SLTM: variants seen among roughly 807,000 people sequenced by gnomAD.
SLTM encodes the protein SAFB-like transcription modulator.
In SLTM, 43 loss-of-function variants were observed where a neutral mutation model predicts 134.6. The observed-to-expected ratio is 0.32, with a 90% CI of 0.25 to 0.41. SLTM has a LOEUF of 0.41. Among genes scored for constraint, SLTM ranks in the 10% least tolerant of loss-of-function variants. SLTM has a pLI of 1.00. For missense variants in SLTM, 1,055 were observed against 1,288.8 expected, an observed-to-expected ratio of 0.82 and a Z score of 2.78; for synonymous variants, 424 against 432.3, an observed-to-expected ratio of 0.98 and a Z score of 0.24.
chr15:58,915,343 G>T (rs1234354895), intron 3 of SLTM, among the ~76,000 whole-genome samples: 1 of 152,146 alleles, frequency 6.6e-6, no homozygotes, highest in Non-Finnish European at 1.5e-5. Context: ...CTCAATAGAC[G>T]TATATATCTC....
At chr15:58,892,705 C>A (rs1567113929) in intron 14 of SLTM, among the ~76,000 whole-genome samples, 192 bp downstream of exon 14, 1 of 152,070 alleles carries the variant, frequency 6.6e-6, no homozygotes, top group Non-Finnish European at 1.5e-5. Flanking sequence ...GAGTTGGAGA[C>A]AACAGATGGA....
rs1448336573 is a variant in SLTM at position 58,893,170 on chromosome 15, T to C, written c.1734+109A>G. ...CAAATGACTAGTAACATTTCCTTTT[T>C]CTTGGGTTTGCTAGCATGCAAGTAC... On this transcript the variant is annotated intron_variant, in intron 13 of 20. Coordinates refer to ENST00000380516, the MANE Select transcript of SLTM (RefSeq NM_024755.4). The C allele has an allele frequency of 7.8e-6, 11 of 1,415,062 alleles. No individual in the cohort carries two copies. In the East Asian group the frequency reaches 1.6e-4, roughly 21 times the overall value. 87.7% of individuals were successfully genotyped at this position (1,415,062 alleles called of 1,614,324 possible).
At chr15:58,902,474 C>A (rs2035553404) in intron 5 of SLTM, among the ~76,000 whole-genome samples, 1 of 151,392 alleles carries the variant, frequency 6.6e-6, no homozygotes, top group Admixed American at 6.6e-5. Flanking sequence ...GCAGCCTCAA[C>A]CCCTGGGCTC....
chr15:58,933,359 C>G, intron 1 of SLTM, 45 bp downstream of exon 1: 1 of 1,533,662 alleles, frequency 6.5e-7, no homozygotes, highest in Non-Finnish European at 8.8e-7. Flanking sequence ...GAGGCGCGGC[C>G]TAAGTTCCCC....
intron 2 of SLTM, among the ~76,000 whole-genome samples, chr15:58,930,445 T>C (rs1260527721): frequency 6.6e-6 from 1 of 151,982 alleles, no homozygotes; most frequent in Non-Finnish European, 1.5e-5. Flanking sequence ...ATGTTACAAC[T>C]TCTAACTGAA....
Position 58,899,829 on chromosome 15 carries a change from G to C in SLTM, c.698C>G (p.Thr233Arg), listed in dbSNP as rs566288421. The change falls in exon 7 of 21, where the codon ACG becomes AGG. Residue 233 changes from threonine to arginine, a missense_variant. By Grantham distance (71) the Thr-to-Arg change is moderately conservative (BLOSUM62 -1). Around this residue, in one of 3 missense-constraint regions of SLTM, gnomAD observed 268 missense variants for 284.3 expected, o/e 0.94. Transcript: ENST00000380516. This position sits in a 1 kb window ranked among gnomAD's most constrained non-coding sequence, Gnocchi z 5.0. The part of the protein sequence containing the change: ...HTAHEEMEAH[T>R]TVKEAEDDNI... ...GTCATCCTCAGCTTCTTTCACAGTC[G>C]TATGAGCTTCCATCTCTTCATGAGC... is the stretch of plus-strand genomic sequence containing the variant. 6.2e-7 allele frequency: 1 copy of C among 1,614,058 alleles called. No individual in the cohort carries two copies. Among genetic ancestry groups the C allele is most frequent in the South Asian group, 1.1e-5 (1 of 91,070 alleles).
At position 58,933,656 on chromosome 15, in the gene SLTM, GC is replaced by G. The variant is rs1282193124; in HGVS notation, c.-92del. 4.4e-6 allele frequency: 6 copies of G among 1,362,870 alleles called. No individual in the cohort carries two copies. The highest frequency in any genetic ancestry group is 5.6e-6 in the Non-Finnish European group (6 of 1,063,126). The allele number at this position is 1,362,870 out of a possible 1,614,324, so 84.4% of individuals were successfully genotyped here. A position where few individuals can be genotyped will look rare whatever the true frequency, so the allele number is the denominator to read the frequency against. On this transcript the variant is annotated 5_prime_UTR_variant, in exon 1 of 21. Coordinates refer to ENST00000380516, the MANE Select transcript of SLTM (RefSeq NM_024755.4). ...TCCACCCAGGCCTCGGCGGCCGCCG[GC>G]GCCGCGCAGCGCTGCGCACAATGAG...
chr15:58,887,773 A>C (rs1396335388), intron 17 of SLTM, among the ~76,000 whole-genome samples: 1 of 152,202 alleles, frequency 6.6e-6, no homozygotes, highest in Non-Finnish European at 1.5e-5. Flanking sequence ...CCGAACACTC[A>C]AAAGTCACTA....
At position 58,912,568 on chromosome 15, in the gene SLTM, CT is replaced by C. The variant is rs1262786570; in HGVS notation, c.555del (p.Ala186ProfsTer13). On this transcript the variant is annotated frameshift_variant, in exon 5 of 21. Coordinates refer to ENST00000380516, the MANE Select transcript of SLTM (RefSeq NM_024755.4). LOFTEE classifies it high-confidence loss of function. ...AGGACTAAATGTAAACTTACTTGGG[CT>C]GTTAGAAAGGTATCATCTTCACCTT... Reference protein sequence around the residue: ...AQEGEDDTFLTAQDGEEEENE... With the variant: ...AQEGEDDTFLXAQDGEEEENE... The C allele has an allele frequency of 6.2e-7, 1 of 1,612,310 alleles. No individual in the cohort carries two copies. The highest frequency in any genetic ancestry group is 8.5e-7 in the Non-Finnish European group (1 of 1,179,044).
At chr15:58,925,210 G>C (rs1217654793) in intron 2 of SLTM, among the ~76,000 whole-genome samples, 1 of 152,094 alleles carries the variant, frequency 6.6e-6, no homozygotes, top group Non-Finnish European at 1.5e-5. Flanking sequence ...CACAGGCCAT[G>C]CCTTGTATTG....
At chr15:58,916,890 C>T in intron 3 of SLTM, 45 bp downstream of exon 3, 1 of 1,551,104 alleles carries the variant, frequency 6.4e-7, no homozygotes, top group Non-Finnish European at 8.9e-7. Flanking sequence ...ATGCAAAATA[C>T]TAGGCTTAAA....
Position 58,912,553 on chromosome 15 carries a change from G to GTAAACT in SLTM, c.561+4_561+9dup, listed in dbSNP as rs767413158. 4 of 1,611,560 alleles carry GTAAACT rather than the reference G, an allele frequency of 2.5e-6. No homozygotes were observed. Among genetic ancestry groups the GTAAACT allele is most frequent in the Non-Finnish European group, 3.4e-6 (4 of 1,178,152 alleles). ...CAATATCGAATTCATAGGACTAAAT[G>GTAAACT]TAAACTTACTTGGGCTGTTAGAAAG... On this transcript the variant is annotated intron_variant, in intron 5 of 20. Transcript: ENST00000380516.
intron 4 of SLTM, chr15:58,912,883 T>C: frequency 5.5e-6 from 2 of 365,776 alleles, no homozygotes; most frequent in Non-Finnish European, 1.0e-5. Context: ...CTAACAGCAC[T>C]GACTCCTTAA....
intron 6 of SLTM, chr15:58,900,693 C>T (rs191784682): frequency 1.3e-5 from 2 of 153,148 alleles, no homozygotes; most frequent in African/African-American, 4.8e-5. Context: ...AAGTAGGATC[C>T]TTTGACTTCT....
intron 2 of SLTM, among the ~76,000 whole-genome samples, chr15:58,924,415 A>C (rs988254715): frequency 6.6e-6 from 1 of 152,180 alleles, no homozygotes; most frequent in Non-Finnish European, 1.5e-5. Flanking sequence ...ACCCTCTGAG[A>C]TATGTTTCAG....
intron 2 of SLTM, chr15:58,921,526 T>G: frequency 2.3e-6 from 1 of 428,062 alleles, no homozygotes; most frequent in Non-Finnish European, 4.7e-6. Context: ...TGTCCCATAC[T>G]GTTTCCAACA....
At position 58,893,890 on chromosome 15, in the gene SLTM, T is replaced by G; in HGVS notation, c.1579A>C (p.Lys527Gln). Residue 527 changes from lysine to glutamine, a missense_variant, in exon 12 of 21, where the codon AAG becomes CAG. Physicochemically the swap from Lys to Gln is moderately conservative, Grantham distance 53. Around this residue, in one of 3 missense-constraint regions of SLTM, gnomAD observed 776 missense variants for 962.2 expected, o/e 0.81. Transcript: ENST00000380516. ...TGGCCACTTGCTCCATTATCATTCT[T>G]CTCATCTTTACCTTCTATTTTCTTA... ...DTKKIEGKDE[K>Q]NDNGASGQTS... 1 of 1,613,478 alleles carries G rather than the reference T, an allele frequency of 6.2e-7. No homozygotes were observed. Among genetic ancestry groups the G allele is most frequent in the East Asian group, 2.2e-5 (1 of 44,846 alleles).
chr15:58,916,478 A>T (rs1426885082), intron 3 of SLTM: 4 of 153,472 alleles, frequency 2.6e-5, no homozygotes, highest in Non-Finnish European at 4.3e-5. Context: ...CTGGCCCTTA[A>T]TTTGATCTTT....
Position 58,890,403 on chromosome 15 carries a change from C to T in SLTM, c.1957G>A (p.Glu653Lys). The change falls in exon 15 of 21, where the codon GAA (glutamate) becomes AAA (lysine). Residue 653 changes from glutamate (E) to lysine (K), a missense_variant. Glu to Lys is a moderately conservative substitution (Grantham distance 56). Around this residue, in one of 3 missense-constraint regions of SLTM, gnomAD observed 776 missense variants for 962.2 expected, o/e 0.81. Coordinates refer to ENST00000380516, the MANE Select transcript of SLTM (RefSeq NM_024755.4). ...TGTAAGCGTTCCCGTTCTTCCCGTT[C>T]ACGAATTATTCTAATGCGTTCTCGC... ...RERERIRIIR[E>K]REERERLQRE... 11 of 1,614,054 alleles carry T rather than the reference C, an allele frequency of 6.8e-6. No individual in the cohort carries two copies. Among genetic ancestry groups the T allele is most frequent in the Non-Finnish European group, 9.3e-6 (11 of 1,180,004 alleles).
Sources: gnomAD v4.1 joint callset for allele counts (sites outside exome capture counted in the v4.1 genomes callset) on GRCh38, gnomAD v4.1.1 for gene constraint, gnomAD v4.1.1 regional missense constraint, Gnocchi (gnomAD v3.1) non-coding constraint, MANE v1.5 for transcripts, NCBI Gene and HGNC (gene_info 2026-07-23, HGNC 2026-07-21) for gene names.